The following CHD6 variants were observed in gnomAD, a reference collection of about 807,000 sequenced individuals.
CHD6 encodes ATP-dependent chromatin remodeler CHD6.
Under a neutral mutation model 276.9 loss-of-function variants are expected in CHD6, and 50 were observed. That is an observed-to-expected ratio of 0.18 (90% CI 0.14 to 0.23). The LOEUF (loss-of-function observed/expected upper bound fraction) is 0.23. Ranked by LOEUF, CHD6 falls within the 10% of genes least tolerant of loss-of-function variation. CHD6 has a pLI of 1.00. For synonymous variants in CHD6, 1,173 were observed against 1,229.3 expected (o/e 0.95, Z 0.96); for missense variants, 2,564 against 3,365.8 (o/e 0.76, Z 5.89).
chr20:41,554,303 C>G (rs963791801), intron 1 of CHD6, among the ~76,000 whole-genome samples: 2 of 152,214 alleles, frequency 1.3e-5, no homozygotes, highest in African/African-American at 4.8e-5. Flanking sequence ...GGAATAAAAA[C>G]AAGCAGGGCA....
chr20:41,600,883 C>T (rs1410083790), intron 1 of CHD6, among the ~76,000 whole-genome samples: 1 of 152,190 alleles, frequency 6.6e-6, no homozygotes, highest in African/African-American at 2.4e-5. Context: ...TTGCCCCTCC[C>T]TATGACTGGC....
rs1600874038 is a variant in CHD6, at chr20:41,445,546, G to T, written c.3877+119C>A. On this transcript the variant is annotated intron_variant, in intron 25 of 36. Coordinates refer to ENST00000373233, the MANE Select transcript of CHD6 (RefSeq NM_032221.5). ...GCTGTGAAGCTCTACTTTTTAAGAT[G>T]AATGTGTAACAGAATGATAGAGTTT... 31 of 630,718 alleles carry T rather than the reference G, an allele frequency of 4.9e-5. No homozygotes were observed. The East Asian group carries it at 8.5e-4, about 17-fold the overall frequency. The allele number at this position is 630,718 out of a possible 1,614,324, so 39.1% of individuals were successfully genotyped here.
intron 1 of CHD6, among the ~76,000 whole-genome samples, chr20:41,560,193 C>T (rs1410527529): frequency 6.6e-6 from 1 of 152,170 alleles, no homozygotes; most frequent in African/African-American, 2.4e-5. Context: ...CAAACAAAAT[C>T]AGATGCTATC....
At position 41,405,095 on chromosome 20, in the gene CHD6, G is replaced by A. The variant is rs2046632821; in HGVS notation, c.7646C>T (p.Thr2549Ile). Residue 2549 changes from threonine to isoleucine, a missense_variant, in exon 37 of 37, where the codon ACT (threonine) becomes ATT (isoleucine). Physicochemically the swap from Thr to Ile is moderately conservative, Grantham distance 89 (BLOSUM62 -1). Coordinates refer to ENST00000373233, the MANE Select transcript of CHD6 (RefSeq NM_032221.5). ...TGTGCTTGATAGAGACGCCGGAGCAGTGGAAGTGCAGGTGGTTGCCATGGG... is the reference window on the plus strand; with the variant it reads ...TGTGCTTGATAGAGACGCCGGAGCAATGGAAGTGCAGGTGGTTGCCATGGG... ...SPPMATTCTS[T>I]APASLSSTTK... 1 of 1,614,258 alleles carries A rather than the reference G, an allele frequency of 6.2e-7. No homozygotes were observed. The highest frequency in any genetic ancestry group is 1.1e-5 in the South Asian group (1 of 91,088).
intron 1 of CHD6, among the ~76,000 whole-genome samples, chr20:41,611,951 T>G (rs991176705): frequency 6.6e-6 from 1 of 152,206 alleles, no homozygotes; most frequent in Non-Finnish European, 1.5e-5. Context: ...CTTGCATTTC[T>G]AACATGCTCC....
intron 17 of CHD6, among the ~76,000 whole-genome samples, chr20:41,467,561 GAAAAAAAAA>G (rs11472253): frequency 2.6e-5 from 1 of 39,144 alleles, no homozygotes; most frequent in Non-Finnish European, 4.7e-5. Flanking sequence ...TTCTGACAAT[GAAAAAAAAA>G]AAAAAAAAAA....
chr20:41,594,485 T>C (rs1279738574), intron 1 of CHD6, among the ~76,000 whole-genome samples: 2 of 152,178 alleles, frequency 1.3e-5, no homozygotes, highest in African/African-American at 4.8e-5. Context: ...AAACTCCTAA[T>C]AATCTTTTAA....
intron 1 of CHD6, among the ~76,000 whole-genome samples, chr20:41,552,033 C>A (rs1049194379): frequency 1.3e-5 from 2 of 152,098 alleles, no homozygotes; most frequent in African/African-American, 4.8e-5. Flanking sequence ...ACCATAAAAG[C>A]CCAGTAATTG....
Position 41,512,721 on chromosome 20 carries a change from C to T in CHD6, c.852+125G>A, listed in dbSNP as rs986631831. Reference sequence around the variant, plus strand: ...ATTCCCAATGCAACAGGAAGTCAATCGAAGGCCACAAGCAGCAGTTAAAAT... The same window carrying T: ...ATTCCCAATGCAACAGGAAGTCAATTGAAGGCCACAAGCAGCAGTTAAAAT... On this transcript the variant is annotated intron_variant, in intron 5 of 36. Transcript: ENST00000373233. 25 of 1,085,874 alleles carry T rather than the reference C, an allele frequency of 2.3e-5. No homozygotes were observed. The Admixed American group carries it at 2.8e-4, about 12-fold the overall frequency. The allele number at this position is 1,085,874 out of a possible 1,614,324, so 67.3% of individuals were successfully genotyped here. A position where few individuals can be genotyped will look rare whatever the true frequency, so the allele number is the denominator to read the frequency against.
chr20:41,547,664 C>T, intron 2 of CHD6: 1 of 721,006 alleles, frequency 1.4e-6, no homozygotes. Context: ...CTGCCCTAAT[C>T]ATCAAAGCCC....
intron 3 of CHD6, among the ~76,000 whole-genome samples, chr20:41,522,024 C>G (rs2044411700): frequency 6.6e-6 from 1 of 152,038 alleles, no homozygotes; most frequent in Non-Finnish European, 1.5e-5. Flanking sequence ...CAAATGGTAA[C>G]TGTAAAGGAA....
At chr20:41,611,942 TTGCATTTCTAACA>T (rs1366158564) in intron 1 of CHD6, among the ~76,000 whole-genome samples, 2 of 152,130 alleles carry the variant, frequency 1.3e-5, no homozygotes, top group Non-Finnish European at 2.9e-5. Context: ...CTGGCAAAAC[TTGCATTTCTAACA>T]TGCTCCAAAG....
At position 41,458,234 on chromosome 20, in the gene CHD6, A is replaced by G. The variant is rs1425892668; in HGVS notation, c.2665-806T>C. ...AATTCATCAGGGGCTACCCTAATGT[A>G]CAGTTCATATAGGAGGGACAAGCTA... On this transcript the variant is annotated intron_variant, in intron 17 of 36. Coordinates refer to ENST00000373233, the MANE Select transcript of CHD6 (RefSeq NM_032221.5). Among the ~76,000 whole-genome samples the G allele has an allele frequency of 2.6e-5, 4 of 152,244 alleles. No homozygotes were observed. The East Asian group carries it at 7.7e-4, about 29-fold the overall frequency.
intron 3 of CHD6, among the ~76,000 whole-genome samples, chr20:41,521,499 A>G (rs942861468): frequency 2.6e-5 from 4 of 152,208 alleles, no homozygotes; most frequent in Admixed American, 2.6e-4. Flanking sequence ...CATGACTTCT[A>G]TAACATGTAT....
chr20:41,415,157 GT>G (rs755059697), intron 34 of CHD6, 28 bp downstream of exon 34: 20 of 1,582,252 alleles, frequency 1.3e-5, no homozygotes, highest in Non-Finnish European at 1.6e-5. Context: ...AAAGGTAAAT[GT>G]TTTTAATCTA....
At chr20:41,482,246 T>C (rs774046289) in intron 16 of CHD6, among the ~76,000 whole-genome samples, 75 of 152,162 alleles carry the variant, frequency 4.9e-4, no homozygotes, top group Admixed American at 1.7e-3. Flanking sequence ...TCCTAATCTA[T>C]AGTGAATTGA....
At chr20:41,504,752 T>TA (rs1429731979) in intron 5 of CHD6, among the ~76,000 whole-genome samples, 1 of 152,186 alleles carries the variant, frequency 6.6e-6, no homozygotes, top group African/African-American at 2.4e-5. Context: ...TATTTTAAAG[T>TA]TCTTTCCTCC....
At chr20:41,512,453 A>G (rs2044142671) in intron 5 of CHD6, among the ~76,000 whole-genome samples, 1 of 151,850 alleles carries the variant, frequency 6.6e-6, no homozygotes, top group Admixed American at 6.6e-5. Context: ...AGGAGATAAC[A>G]TTTTAGGCAA....
chr20:41,552,101 T>C (rs1010980172), intron 1 of CHD6, among the ~76,000 whole-genome samples: 1 of 152,222 alleles, frequency 6.6e-6, no homozygotes, highest in Non-Finnish European at 1.5e-5. Context: ...AACCCTAGTC[T>C]AGGAAACCCA....
Sources: gnomAD v4.1 joint callset for allele counts (sites outside exome capture counted in the v4.1 genomes callset) on GRCh38, gnomAD v4.1.1 for gene constraint, MANE v1.5 for transcripts, NCBI Gene and HGNC (gene_info 2026-07-23, HGNC 2026-07-21) for gene names.